Variants in MED10 observed in about 807,000 individuals in gnomAD.
MED10 encodes the protein mediator of RNA polymerase II transcription subunit 10.
In MED10, 9 loss-of-function variants were observed where a neutral mutation model predicts 17.2. The observed-to-expected ratio is 0.52, with a 90% CI of 0.31 to 0.91. The LOEUF (loss-of-function observed/expected upper bound fraction) is 0.91, where lower values mean the gene tolerates loss of function less well. Among genes scored for constraint, MED10 ranks in the 40% least tolerant of loss-of-function variants. The pLI is 0.04. For missense variants in MED10, 129 were observed against 164.8 expected (o/e 0.78, Z 1.19); for synonymous variants, 66 against 59.8 (o/e 1.10, Z -0.48).
In MED10 at chr5:6,378,533, GC is replaced by G; in HGVS notation, c.-51del. ...ACAGCCTCAACCAGCAGCGCCGCAG[GC>G]GTGGCCCTACGCTCCCGCTTCCTGC... On this transcript the variant is annotated 5_prime_UTR_variant, in exon 1 of 4. Coordinates refer to ENST00000255764, the MANE Select transcript of MED10 (RefSeq NM_032286.3). 1 of 1,573,968 alleles carries G rather than the reference GC, an allele frequency of 6.4e-7. No homozygotes were observed. The highest frequency in any genetic ancestry group is 8.6e-7 in the Non-Finnish European group (1 of 1,157,518).
chr5:6,372,439 C>T lies in MED10; in HGVS notation c.*64G>A, dbSNP rs1006460289. On this transcript the variant is annotated 3_prime_UTR_variant, in exon 4 of 4. Coordinates refer to ENST00000255764, the MANE Select transcript of MED10 (RefSeq NM_032286.3). ...TCAGCAGGAAGGTGGCGTCAGCACT[C>T]GCAGTCCCAGCCTCACGCCGCATCG... 5.5e-5 allele frequency: 77 copies of T among 1,394,172 alleles called. No individual in the cohort carries two copies. The highest frequency in any genetic ancestry group is 3.7e-4 in the African/African-American group (26 of 70,504). 86.4% of individuals were successfully genotyped at this position (1,394,172 alleles called of 1,614,324 possible). A position where few individuals can be genotyped will look rare whatever the true frequency, so the allele number is the denominator to read the frequency against.
chr5:6,372,402 C>T lies in MED10; in HGVS notation c.*101G>A, dbSNP rs1171750850. The T allele has an allele frequency of 3.1e-6, 3 of 958,932 alleles. No individual in the cohort carries two copies. The highest frequency in any genetic ancestry group is 2.4e-5 in the East Asian group (1 of 41,578). The allele number at this position is 958,932 out of a possible 1,614,324, so 59.4% of individuals were successfully genotyped here. On this transcript the variant is annotated 3_prime_UTR_variant, in exon 4 of 4. Coordinates refer to ENST00000255764, the MANE Select transcript of MED10 (RefSeq NM_032286.3). ...GAGGGGCTGAGGGGTGTGTCCAGGG[C>T]CCAGTCCCACCTCAGCAGGAAGGTG...
intron 3 of MED10, among the ~76,000 whole-genome samples, chr5:6,373,885 A>C (rs1193697680): frequency 6.6e-6 from 1 of 152,236 alleles, no homozygotes; most frequent in Non-Finnish European, 1.5e-5. Context: ...GGGGAATTTC[A>C]TGACAATGGA....
intron 1 of MED10, among the ~76,000 whole-genome samples, chr5:6,377,949 T>C (rs1388789235): frequency 1.3e-5 from 2 of 152,178 alleles, no homozygotes; most frequent in African/African-American, 2.4e-5. Flanking sequence ...TTCTGAGGCC[T>C]AGTTTAGGGC....
In MED10 at chr5:6,372,318, G is replaced by T; in HGVS notation, c.*185C>A. The T allele has an allele frequency of 1.7e-6, 1 of 575,564 alleles. No individual in the cohort carries two copies. Among genetic ancestry groups the T allele is most frequent in the Non-Finnish European group, 3.1e-6 (1 of 323,788 alleles). The allele number at this position is 575,564 out of a possible 1,614,324, so 35.7% of individuals were successfully genotyped here. A position where few individuals can be genotyped will look rare whatever the true frequency, so the allele number is the denominator to read the frequency against. On this transcript the variant is annotated 3_prime_UTR_variant, in exon 4 of 4. Transcript: ENST00000255764. Reference sequence around the variant, plus strand: ...GCCAGACAAGCTGCTGGAACAGCTGGGGCACAGCTCCGCCTCTCCTCCAGC... The same window carrying T: ...GCCAGACAAGCTGCTGGAACAGCTGTGGCACAGCTCCGCCTCTCCTCCAGC...
At position 6,376,428 on chromosome 5, in the gene MED10, G is replaced by A. The variant is rs190011779; in HGVS notation, c.206+738C>T. ...TGGTCAAGAAAGTATGAGTCCGGGG[G>A]TTTCGTCTTAACTCTGACACTTACT... is the stretch of plus-strand genomic sequence containing the variant. On this transcript the variant is annotated intron_variant, in intron 2 of 3. Coordinates refer to ENST00000255764, the MANE Select transcript of MED10 (RefSeq NM_032286.3). 1.1e-4 allele frequency among the ~76,000 whole-genome samples: 16 copies of A among 152,308 alleles called. No individual in the cohort carries two copies. The East Asian group carries it at 2.9e-3, about 28-fold the overall frequency.
At chr5:6,375,627 T>C (rs1442500096) in intron 2 of MED10, among the ~76,000 whole-genome samples, 1 of 152,218 alleles carries the variant, frequency 6.6e-6, no homozygotes, top group Non-Finnish European at 1.5e-5. Flanking sequence ...CTTGGTTCTT[T>C]GAAGACCGAA....
At chr5:6,373,034 G>T (rs560361047) in intron 3 of MED10, among the ~76,000 whole-genome samples, 1 of 152,210 alleles carries the variant, frequency 6.6e-6, no homozygotes, top group Admixed American at 6.5e-5. Context: ...GGTGACGCTG[G>T]ACTCAACAAC....
In MED10 at chr5:6,371,939, T is replaced by G. The variant is rs946946990; in HGVS notation, c.*564A>C. The G allele has an allele frequency of 1.3e-5, 2 of 152,284 alleles. No individual in the cohort carries two copies. Among genetic ancestry groups the G allele is most frequent in the Non-Finnish European group, 2.9e-5 (2 of 68,076 alleles). 9.4% of individuals were successfully genotyped at this position (152,284 alleles called of 1,614,324 possible). On this transcript the variant is annotated 3_prime_UTR_variant, in exon 4 of 4. Coordinates refer to ENST00000255764, the MANE Select transcript of MED10 (RefSeq NM_032286.3). ...AATTACATGGAATAAGCCACATACT[T>G]AGTTTATTATAGGCATGTCTAATTG... is the stretch of plus-strand genomic sequence containing the variant.
chr5:6,374,920 G>C (rs995346717), intron 2 of MED10: 2 of 153,528 alleles, frequency 1.3e-5, no homozygotes, highest in Admixed American at 1.3e-4. Flanking sequence ...CTCTGTGGAG[G>C]AGCTTCAGGG....
chr5:6,378,264 G>T, intron 1 of MED10, 98 bp downstream of exon 1: 1 of 1,420,218 alleles, frequency 7.0e-7, no homozygotes, highest in Non-Finnish European at 9.3e-7. Context: ...ACGAGTAGCG[G>T]TCAGGCTCGG....
chr5:6,374,320 T>C lies in MED10; in HGVS notation c.309+4A>G, dbSNP rs779407200. The stretch of plus-strand genomic sequence containing the variant: ...TGTATTTCTGACACTCCTTAGAGTC[T>C]TACCTTCATGGTGTCGATCTTGCCT... On this transcript the variant is annotated splice_donor_region_variant and intron_variant, in intron 3 of 3. Transcript: ENST00000255764. 1.2e-5 allele frequency: 19 copies of C among 1,602,472 alleles called. No individual in the cohort carries two copies. The highest frequency in any genetic ancestry group is 4.3e-6 in the Non-Finnish European group (5 of 1,169,496).
In MED10 at chr5:6,377,173, C is replaced by T. The variant is rs571955887; in HGVS notation, c.199G>A (p.Val67Ile). ...ATCAAGAATGTTACTTACTCAAAAA[C>T]TTCTAACGGTACAGTAATATCATGA... ...QLHDITVPLE[V>I]FEYIDQGRNP... Residue 67 changes from valine (V) to isoleucine (I), a missense_variant, in exon 2 of 4, where the codon GTT becomes ATT. This residue lies in a region of MED10 where 100 missense variants were observed against 121.0 expected (regional missense o/e 0.83). Coordinates refer to ENST00000255764, the MANE Select transcript of MED10 (RefSeq NM_032286.3). 4 of 1,604,522 alleles carry T rather than the reference C, an allele frequency of 2.5e-6. No individual in the cohort carries two copies. The highest frequency in any genetic ancestry group is 2.2e-5 in the South Asian group (2 of 89,438).
chr5:6,373,690 T>C (rs1234381762), intron 3 of MED10, among the ~76,000 whole-genome samples: 1 of 152,024 alleles, frequency 6.6e-6, no homozygotes, highest in Non-Finnish European at 1.5e-5. Flanking sequence ...AAGGCAGAGG[T>C]CCCTGCTGCA....
rs373179003 is a variant in MED10, at chr5:6,372,614, T to C, written c.310-13A>G. 1.9e-6 allele frequency: 3 copies of C among 1,598,166 alleles called. No homozygotes were observed. Among genetic ancestry groups the C allele is most frequent in the Non-Finnish European group, 2.6e-6 (3 of 1,165,488 alleles). On this transcript the variant is annotated splice_polypyrimidine_tract_variant and intron_variant, in intron 3 of 3. Transcript: ENST00000255764. ...GGCTTTTAAATTTCTACAAAGAAAA[T>C]ACATTATCAAAGGAGCTCTTCACAT...
At chr5:6,377,296 A>G in intron 1 of MED10, 47 bp from the exon 2 acceptor site, 2 of 1,447,086 alleles carry the variant, frequency 1.4e-6, no homozygotes, top group Non-Finnish European at 1.9e-6. Context: ...TTCGCTTGAC[A>G]GCATAAGCAC....
chr5:6,373,479 CTCTT>C (rs1560904663), intron 3 of MED10, among the ~76,000 whole-genome samples: 1 of 152,238 alleles, frequency 6.6e-6, no homozygotes, highest in Non-Finnish European at 1.5e-5. Flanking sequence ...TCCCAAAGGC[CTCTT>C]TGAGGAGGTG....
chr5:6,372,706 C>T, intron 3 of MED10, 105 bp from the exon 4 acceptor site: 7 of 843,934 alleles, frequency 8.3e-6, no homozygotes, highest in South Asian at 6.1e-5. Flanking sequence ...CTAAGCAATA[C>T]AGGGCCACGG....
At chr5:6,376,424 G>A (rs546340166) in intron 2 of MED10, among the ~76,000 whole-genome samples, 17 of 152,286 alleles carry the variant, frequency 1.1e-4, no homozygotes, top group Non-Finnish European at 1.9e-4. Flanking sequence ...GTATGAGTCC[G>A]GGGGTTTCGT....
Sources: gnomAD v4.1 joint callset for allele counts (sites outside exome capture counted in the v4.1 genomes callset) on GRCh38, gnomAD v4.1.1 for gene constraint, gnomAD v4.1.1 regional missense constraint, MANE v1.5 for transcripts, NCBI Gene and HGNC (gene_info 2026-07-23, HGNC 2026-07-21) for gene names.